ETS1: variants seen among roughly 807,000 people sequenced by gnomAD.
The protein encoded by ETS1 is protein C-ets-1.
ETS1 carries 15 observed loss-of-function variants against 58.6 expected under a neutral mutation model. The observed-to-expected ratio is 0.26, with a 90% CI of 0.17 to 0.39. The LOEUF (loss-of-function observed/expected upper bound fraction) is 0.39, where lower values mean the gene tolerates loss of function less well. Ranked by LOEUF, ETS1 falls within the 10% of genes least tolerant of loss-of-function variation. The probability of loss-of-function intolerance (pLI) is 1.00; values close to 1 mark genes in which losing one functional copy is unlikely to be tolerated. For missense variants in ETS1, 417 were observed against 610.5 expected (o/e 0.68, Z 3.34); for synonymous variants, 214 against 218.2 (o/e 0.98, Z 0.17).
rs1861876381 is a variant in ETS1, at chr11:128,460,276, C to T, written c.*2085G>A. On this transcript the variant is annotated 3_prime_UTR_variant, in exon 10 of 10. Coordinates refer to ENST00000392668, the MANE Select transcript of ETS1 (RefSeq NM_001143820.2). ...AGAGCTTCATTAAGGCACCTGCATC[C>T]AAAAGATCAAAATAATACAGCTGGG... The T allele has an allele frequency of 6.5e-6, 1 of 152,778 alleles. No homozygotes were observed. The highest frequency in any genetic ancestry group is 1.5e-5 in the Non-Finnish European group (1 of 68,056). The allele number at this position is 152,778 out of a possible 1,614,324, so 9.5% of individuals were successfully genotyped here.
At chr11:128,493,563 G>A (rs571426198) in intron 3 of ETS1, among the ~76,000 whole-genome samples, 2 of 152,334 alleles carry the variant, frequency 1.3e-5, no homozygotes, top group South Asian at 2.1e-4. Flanking sequence ...CATCCCAGCT[G>A]GGGGAAACCA....
chr11:128,575,811 A>G (rs752750874), intron 1 of ETS1, among the ~76,000 whole-genome samples: 33 of 152,360 alleles, frequency 2.2e-4, no homozygotes, highest in Non-Finnish European at 4.1e-4. Flanking sequence ...CTAGAGTCCC[A>G]CAAGTGGCAA....
At chr11:128,533,253 C>G (rs984124435) in intron 3 of ETS1, among the ~76,000 whole-genome samples, 12 of 152,186 alleles carry the variant, frequency 7.9e-5, no homozygotes, top group African/African-American at 2.9e-4. Context: ...CAGCATTCCC[C>G]ACATCGCAAT....
chr11:128,548,731 G>A (rs916814677), intron 3 of ETS1, among the ~76,000 whole-genome samples: 1 of 152,232 alleles, frequency 6.6e-6, no homozygotes, highest in Non-Finnish European at 1.5e-5. Context: ...TCTCCTGGGA[G>A]TGGAAAGCTC....
intron 3 of ETS1, among the ~76,000 whole-genome samples, chr11:128,534,465 C>T (rs935902763): frequency 2.0e-5 from 3 of 152,102 alleles, no homozygotes; most frequent in African/African-American, 4.8e-5. Flanking sequence ...GCAAGACATG[C>T]AGGTTTGTTA....
chr11:128,498,712 G>A (rs768357003), intron 3 of ETS1, among the ~76,000 whole-genome samples: 2 of 152,114 alleles, frequency 1.3e-5, no homozygotes, highest in Non-Finnish European at 2.9e-5. Flanking sequence ...CTAAATTAAC[G>A]ACACTCAAGC....
intron 1 of ETS1, among the ~76,000 whole-genome samples, chr11:128,577,044 C>G (rs921839830): frequency 1.3e-5 from 2 of 152,146 alleles, no homozygotes; most frequent in Non-Finnish European, 2.9e-5. Context: ...AAATTCTCAT[C>G]TACTTGAAGG....
intron 3 of ETS1, among the ~76,000 whole-genome samples, chr11:128,543,142 C>T (rs1591652387): frequency 6.7e-6 from 1 of 149,432 alleles, no homozygotes; most frequent in African/African-American, 2.5e-5. Flanking sequence ...GCAGTGAGCC[C>T]AGATCGTGCC....
At position 128,459,641 on chromosome 11, in the gene ETS1, A is replaced by G. The variant is rs1861853015; in HGVS notation, c.*2720T>C. On this transcript the variant is annotated 3_prime_UTR_variant, in exon 10 of 10. Coordinates refer to ENST00000392668, the MANE Select transcript of ETS1 (RefSeq NM_001143820.2). ...TGTGTTTTTAAAAAGCATAAACGCA[A>G]CATTTCCAGTGTATAAACCACCCAC... The G allele has an allele frequency of 6.5e-6, 1 of 152,814 alleles. No homozygotes were observed. Among genetic ancestry groups the G allele is most frequent in the Non-Finnish European group, 1.5e-5 (1 of 68,040 alleles). 9.5% of individuals were successfully genotyped at this position (152,814 alleles called of 1,614,324 possible).
chr11:128,583,104 A>T (rs1244944694), intron 1 of ETS1, among the ~76,000 whole-genome samples: 1 of 152,194 alleles, frequency 6.6e-6, no homozygotes, highest in Admixed American at 6.5e-5. Flanking sequence ...CACATTTCTA[A>T]CAAGCTCCCA....
intron 3 of ETS1, among the ~76,000 whole-genome samples, chr11:128,530,911 T>C (rs982356577): frequency 7.2e-5 from 11 of 152,206 alleles, no homozygotes; most frequent in Non-Finnish European, 1.2e-4. Context: ...AGCATCTACA[T>C]ATCCATCCAC....
intron 3 of ETS1, 102 bp downstream of exon 3, chr11:128,556,189 G>C (rs1159196782): frequency 9.7e-7 from 1 of 1,036,034 alleles, no homozygotes; most frequent in Non-Finnish European, 1.4e-6. Flanking sequence ...ATCTGTACCC[G>C]CATAAGCCAT....
chr11:128,516,137 T>C lies in ETS1; in HGVS notation c.215-25561A>G, dbSNP rs1233701829. ...AATCAGAAGGAAAAGGGGGTGCAGA[T>C]AGGCGAAGGCTTCAGAAAAGCAGCC... On this transcript the variant is annotated intron_variant, in intron 3 of 9. Coordinates refer to ENST00000392668, the MANE Select transcript of ETS1 (RefSeq NM_001143820.2). Among the ~76,000 whole-genome samples, 4 of 152,214 alleles carry C rather than the reference T, an allele frequency of 2.6e-5. No homozygotes were observed. In the East Asian group the frequency reaches 5.8e-4, roughly 22 times the overall value.
At chr11:128,502,591 T>C (rs1863120079) in intron 3 of ETS1, among the ~76,000 whole-genome samples, 1 of 152,238 alleles carries the variant, frequency 6.6e-6, no homozygotes, top group Non-Finnish European at 1.5e-5. Context: ...TTCACAGATA[T>C]GTATGCATTA....
chr11:128,564,986 A>C (rs1864466644), intron 2 of ETS1, among the ~76,000 whole-genome samples: 1 of 151,626 alleles, frequency 6.6e-6, no homozygotes. Context: ...ATACAAATAC[A>C]TGAATGAAAA....
At chr11:128,580,961 A>T in intron 1 of ETS1, among the ~76,000 whole-genome samples, 1 of 152,146 alleles carries the variant, frequency 6.6e-6, no homozygotes. Flanking sequence ...ATTAAAATGA[A>T]CTCATGTCAT....
chr11:128,479,017 T>C lies in ETS1; in HGVS notation c.1123+1174A>G, dbSNP rs190994922. ...AGACATAATTCCTGAGCACTACTCA[T>C]GCAATGAACTGCACTAGGAGCTACA... On this transcript the variant is annotated intron_variant, in intron 8 of 9. Coordinates refer to ENST00000392668, the MANE Select transcript of ETS1 (RefSeq NM_001143820.2). Among the ~76,000 whole-genome samples the C allele has an allele frequency of 1.6e-3, 237 of 152,346 alleles. 2 individuals are homozygous for C. The highest frequency in any genetic ancestry group is 1.5e-3 in the East Asian group (8 of 5,190).
chr11:128,559,080 A>C (rs140174574), intron 2 of ETS1, among the ~76,000 whole-genome samples: 18 of 152,322 alleles, frequency 1.2e-4, no homozygotes, highest in Non-Finnish European at 2.1e-4. Context: ...AAAACAAAAG[A>C]TCCTCGTAAA....
intron 8 of ETS1, among the ~76,000 whole-genome samples, chr11:128,476,464 C>A (rs1406185212): frequency 6.6e-6 from 1 of 152,216 alleles, no homozygotes; most frequent in Non-Finnish European, 1.5e-5. Flanking sequence ...AATTCAGAAG[C>A]TACCTCTGTG....
Sources: allele counts gnomAD v4.1 joint callset (sites outside exome capture counted in the v4.1 genomes callset), GRCh38; gene constraint gnomAD v4.1.1; transcripts MANE v1.5; gene names NCBI Gene and HGNC (gene_info 2026-07-23, HGNC 2026-07-21).